MITD1: variants seen among roughly 807,000 people sequenced by gnomAD.
The protein encoded by MITD1 is microtubule interacting and trafficking domain containing 1.
In MITD1, 24 loss-of-function variants were observed where a neutral mutation model predicts 34.9. The observed-to-expected ratio is 0.69, with a 90% CI of 0.50 to 0.97. The LOEUF (loss-of-function observed/expected upper bound fraction) is 0.97, where lower values mean the gene tolerates loss of function less well. MITD1 is among the 50% of genes least tolerant of loss of function. The probability of loss-of-function intolerance (pLI) is 0.00; values close to 1 mark genes in which losing one functional copy is unlikely to be tolerated. For synonymous variants in MITD1, 102 were observed against 101.4 expected (o/e 1.01, Z -0.04); for missense variants, 266 against 294.6 (o/e 0.90, Z 0.71).
At chr2:99,172,492 A>G (rs2093864427) in intron 2 of MITD1, 1 of 152,276 alleles carries the variant, frequency 6.6e-6, no homozygotes, top group East Asian at 1.9e-4. Context: ...TAAGCTAAAG[A>G]CTGGGATGTC....
chr2:99,166,897 A>G (rs2093829957), downstream of MITD1, among the ~76,000 whole-genome samples: 1 of 130,294 alleles, frequency 7.7e-6, no homozygotes, highest in Non-Finnish European at 1.6e-5. Flanking sequence ...ATATATATAT[A>G]AATTTTTCAT....
downstream of MITD1, among the ~76,000 whole-genome samples, chr2:99,167,738 C>A (rs1021247785): frequency 6.6e-6 from 1 of 152,150 alleles, no homozygotes; most frequent in African/African-American, 2.4e-5. Context: ...TCGGATCAGG[C>A]CAACACTTGT....
rs776210746 is a variant in MITD1, at chr2:99,171,585, T to G, written c.315A>C (p.Ser105=). 1 of 1,613,246 alleles carries G rather than the reference T, an allele frequency of 6.2e-7. No homozygotes were observed. The highest frequency in any genetic ancestry group is 1.1e-5 in the South Asian group (1 of 91,036). Reference sequence around the variant, plus strand: ...TCTCATTAAGGTATTCGCGAAAAAGTGACTCATAACTGAAACCTGTTGCAT... The same window carrying G: ...TCTCATTAAGGTATTCGCGAAAAAGGGACTCATAACTGAAACCTGTTGCAT... ...EENATGFSYE[S]LFREYLNETV... is the part of the protein sequence containing the mutation. The change falls in exon 3 of 7, where the codon TCA becomes TCC. Residue 105 remains serine, a synonymous_variant. Coordinates refer to ENST00000289359, the MANE Select transcript of MITD1 (RefSeq NM_138798.3).
intron 7 of MITD1, chr2:99,162,773 A>G: frequency 1.9e-6 from 3 of 1,614,124 alleles, no homozygotes; most frequent in Middle Eastern, 1.6e-4. Flanking sequence ...GGGAGTGGAT[A>G]TATGGCAAAA....
intron 7 of MITD1, chr2:99,162,400 C>T: frequency 6.2e-7 from 1 of 1,613,944 alleles, no homozygotes; most frequent in East Asian, 2.2e-5. Flanking sequence ...GATGTGCAGG[C>T]TACCAAAAGA....
At chr2:99,176,065 C>G (rs959449769) in intron 1 of MITD1, among the ~76,000 whole-genome samples, 2 of 152,056 alleles carry the variant, frequency 1.3e-5, no homozygotes. Context: ...CTCAGCCTCC[C>G]AAGTAGCTGA....
At chr2:99,179,385 AC>A (rs1304760302) in intron 1 of MITD1, among the ~76,000 whole-genome samples, 2 of 152,156 alleles carry the variant, frequency 1.3e-5, no homozygotes, top group African/African-American at 4.8e-5. Flanking sequence ...ATGCTGTAAA[AC>A]GAGAATACCA....
chr2:99,166,846 A>T (rs2093829200), downstream of MITD1, among the ~76,000 whole-genome samples: 1 of 128,678 alleles, frequency 7.8e-6, no homozygotes, highest in African/African-American at 2.9e-5. Flanking sequence ...CAGTTCATTA[A>T]GTGGGGTTTT....
chr2:99,173,242 T>C (rs1459450291), intron 2 of MITD1: 6 of 272,550 alleles, frequency 2.2e-5, no homozygotes, highest in Non-Finnish European at 4.7e-5. Context: ...GTAGAAAGTA[T>C]AGAGAGGAAG....
At chr2:99,177,957 T>C (rs996099710) in intron 1 of MITD1, among the ~76,000 whole-genome samples, 1 of 152,242 alleles carries the variant, frequency 6.6e-6, no homozygotes, top group Non-Finnish European at 1.5e-5. Flanking sequence ...GTATTTGTCT[T>C]TCTGTGTCTG....
At chr2:99,173,707 C>T (rs2093870357) in intron 2 of MITD1, 2 of 583,578 alleles carry the variant, frequency 3.4e-6, no homozygotes, top group Admixed American at 3.0e-5. Flanking sequence ...TTCCCACCCC[C>T]AACTAAAAAC....
chr2:99,163,190 A>AC (rs2093810789), intron 7 of MITD1: 2 of 525,362 alleles, frequency 3.8e-6, no homozygotes, highest in Non-Finnish European at 3.1e-6. Flanking sequence ...AAAAAAAAAA[A>AC]ACAAAACACA....
At chr2:99,180,564 G>A in intron 1 of MITD1, 1 of 269,788 alleles carries the variant, frequency 3.7e-6, no homozygotes, top group Non-Finnish European at 7.0e-6. Context: ...TCCTATCAAA[G>A]CTTATATATT....
chr2:99,177,968 G>C (rs1460170883), intron 1 of MITD1, among the ~76,000 whole-genome samples: 1 of 152,054 alleles, frequency 6.6e-6, no homozygotes, highest in Non-Finnish European at 1.5e-5. Context: ...TCTGTGTCTG[G>C]CTTATTTCAC....
At position 99,171,449 on chromosome 2, in the gene MITD1, ATTAT is replaced by A; in HGVS notation, c.391-24_391-21del. 6.2e-7 allele frequency: 1 copy of A among 1,600,306 alleles called. No homozygotes were observed. Among genetic ancestry groups the A allele is most frequent in the East Asian group, 2.2e-5 (1 of 44,700 alleles). On this transcript the variant is annotated intron_variant, in intron 3 of 6. Transcript: ENST00000289359. ...ATACAGCTAAAAGACATTAGAATGG[ATTAT>A]TACTAATTTAGTACATTGAATATGA...
At chr2:99,177,106 T>C (rs1268656787) in intron 1 of MITD1, among the ~76,000 whole-genome samples, 1 of 152,214 alleles carries the variant, frequency 6.6e-6, no homozygotes, top group African/African-American at 2.4e-5. Flanking sequence ...TCATTCTAGC[T>C]TTCCCCCATC....
downstream of MITD1, among the ~76,000 whole-genome samples, chr2:99,165,059 C>T (rs72813092): frequency 0.016 from 1,844 of 116,354 alleles, 24 homozygotes; most frequent in East Asian, 0.089. Flanking sequence ...CACACACACA[C>T]ACATATATAT....
At position 99,171,350 on chromosome 2, in the gene MITD1, A is replaced by C. The variant is rs767202954; in HGVS notation, c.470T>G (p.Leu157Arg). ...KVKTIHLLTS[L>R]DEGIEQVQQS... ...GTGCTTTCAGGTACCTACTTCATCC[A>C]GAGAGGTGAGAAGGTGAATAGTTTT... Residue 157 changes from leucine to arginine, a missense_variant, in exon 4 of 7, where the codon CTG (leucine) becomes CGG (arginine). Physicochemically the swap from Leu to Arg is moderately radical, Grantham distance 102 (BLOSUM62 -2). Coordinates refer to ENST00000289359, the MANE Select transcript of MITD1 (RefSeq NM_138798.3). 2.5e-6 allele frequency: 4 copies of C among 1,608,898 alleles called. No individual in the cohort carries two copies. The highest frequency in any genetic ancestry group is 3.4e-6 in the Non-Finnish European group (4 of 1,177,214).
rs141719447 is a variant in MITD1 at position 99,172,049 on chromosome 2, T to G, written c.254-403A>C. 6.1e-3 allele frequency: 1,018 copies of G among 166,344 alleles called. 13 individuals carry two copies. Among genetic ancestry groups the G allele is most frequent in the African/African-American group, 0.024 (982 of 41,786 alleles). 10.3% of individuals were successfully genotyped at this position (166,344 alleles called of 1,614,324 possible). A position where few individuals can be genotyped will look rare whatever the true frequency, so the allele number is the denominator to read the frequency against. ...GGCTATCTGGTCCTCCTCTTCAGACTTGTCTTTTTATGTCTTGCAATCTAA... is the reference window on the plus strand; with the variant it reads ...GGCTATCTGGTCCTCCTCTTCAGACGTGTCTTTTTATGTCTTGCAATCTAA... On this transcript the variant is annotated intron_variant, in intron 2 of 6. Coordinates refer to ENST00000289359, the MANE Select transcript of MITD1 (RefSeq NM_138798.3).
Sources: gnomAD v4.1 joint callset for allele counts (sites outside exome capture counted in the v4.1 genomes callset) on GRCh38, gnomAD v4.1.1 for gene constraint, MANE v1.5 for transcripts, NCBI Gene and HGNC (gene_info 2026-07-23, HGNC 2026-07-21) for gene names.